RNF111: variants seen among roughly 807,000 people sequenced by gnomAD.
RNF111 encodes ring finger protein 111.
RNF111 carries 17 observed loss-of-function variants against 95.1 expected under a neutral mutation model. That is an observed-to-expected ratio of 0.18 (90% CI 0.12 to 0.27). The LOEUF (loss-of-function observed/expected upper bound fraction) is 0.27. RNF111 is among the 10% of genes least tolerant of loss of function. RNF111 has a pLI of 1.00. For missense variants in RNF111, 1,189 were observed against 1,210.4 expected, an observed-to-expected ratio of 0.98 and a Z score of 0.26; for synonymous variants, 440 against 414.8, an observed-to-expected ratio of 1.06 and a Z score of -0.74.
At chr15:59,012,040 A>C (rs1481625182) in intron 1 of RNF111, among the ~76,000 whole-genome samples, 2 of 61,462 alleles carry the variant, frequency 3.3e-5, no homozygotes, top group African/African-American at 1.3e-4. Context: ...TTTGAGATGG[A>C]GTCTCGCTCT....
Position 59,058,646 on chromosome 15 carries a change from A to G in RNF111, c.1366+96A>G. ...AGTCTAAGATTTTAGCTATGTTAAT[A>G]AGCGGGTATTCTTACATTATAATAA... On this transcript the variant is annotated intron_variant, in intron 5 of 13. Coordinates refer to ENST00000348370, the MANE Select transcript of RNF111 (RefSeq NM_017610.8). 3 of 1,072,994 alleles carry G rather than the reference A, an allele frequency of 2.8e-6. No homozygotes were observed. In the Admixed American group the frequency reaches 5.4e-5, roughly 19 times the overall value. The allele number at this position is 1,072,994 out of a possible 1,614,324, so 66.5% of individuals were successfully genotyped here.
At chr15:59,064,501 A>C (rs2142058672) in intron 5 of RNF111, among the ~76,000 whole-genome samples, 1 of 140,796 alleles carries the variant, frequency 7.1e-6, no homozygotes, top group African/African-American at 2.7e-5. Flanking sequence ...GCGCCACTGC[A>C]CTCTAGCCTG....
intron 2 of RNF111, among the ~76,000 whole-genome samples, chr15:59,038,796 G>C (rs1024427848): frequency 6.6e-6 from 1 of 152,148 alleles, no homozygotes; most frequent in Admixed American, 6.6e-5. Context: ...GCAGTACTTT[G>C]TTGATGATAC....
intron 1 of RNF111, among the ~76,000 whole-genome samples, chr15:58,998,130 C>T (rs1245837581): frequency 6.6e-6 from 1 of 151,960 alleles, no homozygotes; most frequent in Non-Finnish European, 1.5e-5. Flanking sequence ...GTCTCGATCT[C>T]CTGACCTCGT....
chr15:59,082,862 G>A (rs376180286), intron 8 of RNF111, among the ~76,000 whole-genome samples: 2 of 152,246 alleles, frequency 1.3e-5, no homozygotes, highest in East Asian at 1.9e-4. Context: ...TTCTAATATA[G>A]TAACCTTTTA....
intron 1 of RNF111, among the ~76,000 whole-genome samples, chr15:59,027,076 T>G (rs556816763): frequency 6.6e-6 from 1 of 152,366 alleles, no homozygotes; most frequent in South Asian, 2.1e-4. Flanking sequence ...ATTGCTTCTT[T>G]GTAAATTAAT....
chr15:58,997,758 G>T (rs2039141938), intron 1 of RNF111, among the ~76,000 whole-genome samples: 1 of 151,088 alleles, frequency 6.6e-6, no homozygotes, highest in Non-Finnish European at 1.5e-5. Flanking sequence ...AGAGGTTGCA[G>T]TGAGCCAAGA....
chr15:59,026,475 C>A (rs543087551), intron 1 of RNF111, among the ~76,000 whole-genome samples: 23 of 152,178 alleles, frequency 1.5e-4, no homozygotes, highest in African/African-American at 5.3e-4. Flanking sequence ...TAACAGCAAG[C>A]CATTTATAAT....
At chr15:59,035,353 C>A (rs184814244) in intron 2 of RNF111, among the ~76,000 whole-genome samples, 226 of 152,286 alleles carry the variant, frequency 1.5e-3, no homozygotes, top group African/African-American at 5.1e-3. Flanking sequence ...AGTCTTAACT[C>A]ATTTCAGTAT....
intron 2 of RNF111, among the ~76,000 whole-genome samples, chr15:59,052,013 A>G (rs1446128933): frequency 6.6e-6 from 1 of 152,090 alleles, no homozygotes; most frequent in Non-Finnish European, 1.5e-5. Flanking sequence ...CAGGATAAAT[A>G]TCTATATAAG....
At chr15:59,077,139 A>G (rs1317641273) in intron 7 of RNF111, among the ~76,000 whole-genome samples, 10 of 152,204 alleles carry the variant, frequency 6.6e-5, no homozygotes, top group African/African-American at 2.4e-4. Context: ...GCATTGACCA[A>G]TGGGCCAATT....
chr15:59,047,761 A>G (rs2041781892), intron 2 of RNF111, among the ~76,000 whole-genome samples: 1 of 152,062 alleles, frequency 6.6e-6, no homozygotes, highest in African/African-American at 2.4e-5. Context: ...TTTTTTGTAG[A>G]GACAGTTTTT....
At chr15:59,042,661 C>G (rs1472813548) in intron 2 of RNF111, among the ~76,000 whole-genome samples, 1 of 152,040 alleles carries the variant, frequency 6.6e-6, no homozygotes, top group Non-Finnish European at 1.5e-5. Flanking sequence ...ATACAGTTGT[C>G]CCCAAACCAG....
intron 9 of RNF111, chr15:59,085,372 T>C (rs2078868286): frequency 1.1e-5 from 2 of 188,314 alleles, no homozygotes; most frequent in South Asian, 2.7e-4. Flanking sequence ...AATCAGACTT[T>C]TATCTTGGAA....
chr15:59,058,614 G>T, intron 5 of RNF111, 64 bp downstream of exon 5: 1 of 1,412,516 alleles, frequency 7.1e-7, no homozygotes, highest in South Asian at 1.2e-5. Flanking sequence ...AAGTATTATT[G>T]TTTTTAAGTC....
At chr15:59,014,540 A>G (rs2039977455) in intron 1 of RNF111, among the ~76,000 whole-genome samples, 1 of 152,206 alleles carries the variant, frequency 6.6e-6, no homozygotes, top group South Asian at 2.1e-4. Flanking sequence ...AGCTTTTCAA[A>G]AGCATTTTTC....
rs1435610854 is a variant in RNF111 at position 59,096,685 on chromosome 15, T to C, written c.*1785T>C. The C allele has an allele frequency of 6.6e-6, 1 of 152,214 alleles. No homozygotes were observed. Among genetic ancestry groups the C allele is most frequent in the Non-Finnish European group, 1.5e-5 (1 of 68,040 alleles). 9.4% of individuals were successfully genotyped at this position (152,214 alleles called of 1,614,324 possible). A position where few individuals can be genotyped will look rare whatever the true frequency, so the allele number is the denominator to read the frequency against. On this transcript the variant is annotated 3_prime_UTR_variant, in exon 14 of 14. Coordinates refer to ENST00000348370, the MANE Select transcript of RNF111 (RefSeq NM_017610.8). The stretch of plus-strand genomic sequence containing the variant: ...ATACCTTATGATTAAACCGAGGTTA[T>C]AGAAGGTCAGGGGAGAGTGAAGGAG...
intron 2 of RNF111, among the ~76,000 whole-genome samples, chr15:59,037,920 G>T (rs575449400): frequency 6.6e-6 from 1 of 152,272 alleles, no homozygotes; most frequent in Non-Finnish European, 1.5e-5. Flanking sequence ...AAATAAGAGA[G>T]CTTAAGTCAG....
At chr15:59,024,908 A>G (rs1170985195) in intron 1 of RNF111, among the ~76,000 whole-genome samples, 1 of 152,216 alleles carries the variant, frequency 6.6e-6, no homozygotes, top group Non-Finnish European at 1.5e-5. Context: ...TAATTCATAT[A>G]AGTGGAATCA....
Sources: allele counts gnomAD v4.1 joint callset (sites outside exome capture counted in the v4.1 genomes callset), GRCh38; gene constraint gnomAD v4.1.1; transcripts MANE v1.5; gene names NCBI Gene and HGNC (gene_info 2026-07-23, HGNC 2026-07-21).